DLGAP1: variants seen among roughly 807,000 people sequenced by gnomAD.
The protein encoded by DLGAP1 is disks large-associated protein 1.
A neutral mutation model predicts 90.8 loss-of-function variants in DLGAP1; 11 were observed. That is an observed-to-expected ratio of 0.12 (90% CI 0.08 to 0.20). The LOEUF (loss-of-function observed/expected upper bound fraction) is 0.20. Among genes scored for constraint, DLGAP1 ranks in the 10% least tolerant of loss-of-function variants. The probability of loss-of-function intolerance (pLI) is 1.00; values close to 1 mark genes in which losing one functional copy is unlikely to be tolerated. For missense variants in DLGAP1, 1,050 were observed against 1,333.8 expected (o/e 0.79, Z 3.31); for synonymous variants, 558 against 540.7 (o/e 1.03, Z -0.44).
intron 1 of DLGAP1, among the ~76,000 whole-genome samples, chr18:4,442,237 A>T (rs1567926729): frequency 6.6e-6 from 1 of 152,094 alleles, no homozygotes; most frequent in Non-Finnish European, 1.5e-5. Context: ...TGACTTCATG[A>T]TCCGCCCACC....
At chr18:3,642,869 T>A (rs1791387) in intron 7 of DLGAP1, among the ~76,000 whole-genome samples, 52,164 of 152,056 alleles carry the variant, frequency 0.34, 10,942 homozygotes, top group African/African-American at 0.6. Context: ...TACAGCCCCT[T>A]GGGAGGGGGA....
chr18:4,200,873 C>G (rs1438031164), intron 1 of DLGAP1, among the ~76,000 whole-genome samples: 1 of 152,040 alleles, frequency 6.6e-6, no homozygotes, highest in East Asian at 1.9e-4. Flanking sequence ...TTCCGTTTAT[C>G]TGACATAAAG....
At chr18:3,767,176 A>G (rs1264032614) in intron 5 of DLGAP1, among the ~76,000 whole-genome samples, 4 of 152,128 alleles carry the variant, frequency 2.6e-5, no homozygotes, top group Non-Finnish European at 2.9e-5. Context: ...CAATTGCTTG[A>G]AAAACAAAAA....
At chr18:4,394,895 T>A (rs535032787) in intron 1 of DLGAP1, among the ~76,000 whole-genome samples, 2 of 152,360 alleles carry the variant, frequency 1.3e-5, no homozygotes, top group African/African-American at 4.8e-5. Context: ...CAAGTGAACA[T>A]GAGACAGCTC....
intron 5 of DLGAP1, among the ~76,000 whole-genome samples, chr18:3,746,319 A>G (rs1321940817): frequency 6.6e-6 from 1 of 152,140 alleles, no homozygotes; most frequent in African/African-American, 2.4e-5. Context: ...AGAGAAATTT[A>G]TCAATGTTTT....
At chr18:3,630,788 C>T (rs1259639335) in intron 7 of DLGAP1, among the ~76,000 whole-genome samples, 1 of 152,040 alleles carries the variant, frequency 6.6e-6, no homozygotes, top group Non-Finnish European at 1.5e-5. Flanking sequence ...TCTTGATGCT[C>T]AATAGGGCAA....
intron 1 of DLGAP1, among the ~76,000 whole-genome samples, chr18:4,197,791 G>T (rs146575719): frequency 6.6e-6 from 1 of 152,142 alleles, no homozygotes; most frequent in African/African-American, 2.4e-5. Flanking sequence ...CTAAAACCCC[G>T]TGAATGTTAG....
At chr18:4,379,409 G>A (rs1052247075) in intron 1 of DLGAP1, among the ~76,000 whole-genome samples, 7 of 152,084 alleles carry the variant, frequency 4.6e-5, no homozygotes, top group African/African-American at 1.7e-4. Context: ...TAATTTGACA[G>A]GCTTTCTGTG....
intron 1 of DLGAP1, among the ~76,000 whole-genome samples, chr18:4,197,188 T>TAAAAAAAA (rs532844849): frequency 1.2e-4 from 9 of 73,738 alleles, no homozygotes; most frequent in Non-Finnish European, 1.8e-4. Flanking sequence ...TAAAAAAAAG[T>TAAAAAAAA]AAAAAAAAAA....
intron 10 of DLGAP1, among the ~76,000 whole-genome samples, chr18:3,521,068 C>T (rs891164959): frequency 2.6e-5 from 4 of 152,180 alleles, no homozygotes; most frequent in Non-Finnish European, 5.9e-5. Context: ...ACTCACTTCC[C>T]TCATTCCACT....
intron 2 of DLGAP1, among the ~76,000 whole-genome samples, chr18:4,010,112 C>A (rs561992948): frequency 6.6e-6 from 1 of 152,280 alleles, no homozygotes. Context: ...GGTTACACAC[C>A]ATTTCTCTAA....
At chr18:3,685,149 T>A (rs1234057471) in intron 7 of DLGAP1, among the ~76,000 whole-genome samples, 2 of 152,212 alleles carry the variant, frequency 1.3e-5, no homozygotes, top group African/African-American at 4.8e-5. Flanking sequence ...ATAAGGTTTT[T>A]TGGTAAATGT....
At chr18:3,892,903 A>AAT (rs200027950) in intron 3 of DLGAP1, among the ~76,000 whole-genome samples, 3,732 of 147,558 alleles carry the variant, frequency 0.025, 140 homozygotes, top group African/African-American at 0.087. Context: ...AATATATATA[A>AAT]ATATATATAT....
intron 3 of DLGAP1, chr18:3,993,119 A>C (rs2074001331): frequency 6.6e-6 from 1 of 151,996 alleles, no homozygotes; most frequent in East Asian, 1.9e-4. Context: ...TTCAGAAGAC[A>C]AGCAGATGAG....
intron 1 of DLGAP1, among the ~76,000 whole-genome samples, chr18:4,185,651 G>C (rs2077281240): frequency 6.6e-6 from 1 of 151,952 alleles, no homozygotes; most frequent in Non-Finnish European, 1.5e-5. Flanking sequence ...ACATTTGATG[G>C]ACATTTAGGT....
At chr18:4,012,150 C>T (rs80296189) in intron 2 of DLGAP1, among the ~76,000 whole-genome samples, 11,156 of 152,170 alleles carry the variant, frequency 0.073, 757 homozygotes, top group African/African-American at 0.18. Context: ...CCATGCCCAC[C>T]TCTCCTGGCC....
chr18:3,842,596 T>C (rs952713374), intron 4 of DLGAP1, among the ~76,000 whole-genome samples: 25 of 151,598 alleles, frequency 1.6e-4, no homozygotes, highest in Non-Finnish European at 2.6e-4. Context: ...TTTTTTTTTT[T>C]CCACTCATTC....
At chr18:4,204,161 ACTGT>A (rs776195671) in intron 1 of DLGAP1, among the ~76,000 whole-genome samples, 48 of 152,348 alleles carry the variant, frequency 3.2e-4, no homozygotes, top group Non-Finnish European at 5.7e-4. Flanking sequence ...AATTCTTTCA[ACTGT>A]CTGTACATAA....
chr18:3,557,280 G>C (rs532178364), intron 9 of DLGAP1, among the ~76,000 whole-genome samples: 2 of 152,296 alleles, frequency 1.3e-5, no homozygotes, highest in South Asian at 2.1e-4. Flanking sequence ...CCAGCACTTT[G>C]GGAGGCTGAG....
Sources: allele counts gnomAD v4.1 joint callset (sites outside exome capture counted in the v4.1 genomes callset), GRCh38; gene constraint gnomAD v4.1.1; transcripts MANE v1.5; gene names NCBI Gene and HGNC (gene_info 2026-07-23, HGNC 2026-07-21).